PINX1: variants seen among roughly 807,000 people sequenced by gnomAD.
The protein encoded by PINX1 is PIN2 (TERF1) interacting telomerase inhibitor 1, also known as PIN2/TERF1-interacting telomerase inhibitor 1.
PINX1 carries 34 observed loss-of-function variants against 25.4 expected under a neutral mutation model. The ratio of observed to expected loss-of-function variants is 1.34; its 90% CI spans 1.02 to 1.78. The LOEUF (loss-of-function observed/expected upper bound fraction) is 1.78, where lower values mean the gene tolerates loss of function less well. Among genes scored for constraint, PINX1 ranks in the 40% most tolerant of loss-of-function variants. The pLI is 0.00. For missense variants in PINX1, 592 were observed against 404.9 expected (o/e 1.46, Z -3.97); for synonymous variants, 197 against 147.7 (o/e 1.33, Z -2.42).
chr8:10,799,384 C>A (rs896670399), intron 6 of PINX1, among the ~76,000 whole-genome samples: 1 of 152,168 alleles, frequency 6.6e-6, no homozygotes, highest in Non-Finnish European at 1.5e-5. Flanking sequence ...GCCCCGAGGC[C>A]TGACAGTTGC....
intron 1 of PINX1, among the ~76,000 whole-genome samples, chr8:10,835,965 G>C (rs909025387): frequency 6.6e-6 from 1 of 152,088 alleles, no homozygotes. Flanking sequence ...AAGGTTCAAA[G>C]CACAAGAATG....
intron 6 of PINX1, among the ~76,000 whole-genome samples, chr8:10,800,125 T>C (rs1802219931): frequency 6.6e-6 from 1 of 152,186 alleles, no homozygotes; most frequent in East Asian, 1.9e-4. Context: ...TTGATGGAAA[T>C]AACATTTTTT....
intron 6 of PINX1, among the ~76,000 whole-genome samples, chr8:10,800,252 G>A (rs897777524): frequency 3.9e-5 from 6 of 152,182 alleles, no homozygotes; most frequent in Admixed American, 6.5e-5. Context: ...AGAACACTGC[G>A]TATGTATAAA....
At chr8:10,787,800 G>A (rs1801798080) in intron 6 of PINX1, 1 of 455,830 alleles carries the variant, frequency 2.2e-6, no homozygotes, top group African/African-American at 2.0e-5. Context: ...GTAAGACAAG[G>A]AATCCAAGGT....
At chr8:10,820,088 A>T (rs1797819668) in intron 6 of PINX1, 105 bp downstream of exon 6, 1 of 755,738 alleles carries the variant, frequency 1.3e-6, no homozygotes, top group Admixed American at 2.0e-5. Context: ...AGTGTTTTGG[A>T]AAGTTTGTCA....
intron 6 of PINX1, among the ~76,000 whole-genome samples, chr8:10,776,952 G>A (rs1018868815): frequency 3.3e-5 from 5 of 152,198 alleles, no homozygotes; most frequent in African/African-American, 1.2e-4. Flanking sequence ...CAAGAGAGAA[G>A]GACAGAAGGA....
intron 5 of PINX1, among the ~76,000 whole-genome samples, chr8:10,821,539 AC>A (rs1229365352): frequency 6.6e-6 from 1 of 152,144 alleles, no homozygotes; most frequent in Non-Finnish European, 1.5e-5. Flanking sequence ...ACACAAAAAG[AC>A]CCAAAAGAAA....
At chr8:10,817,689 G>T (rs1251995581) in intron 6 of PINX1, among the ~76,000 whole-genome samples, 3 of 152,154 alleles carry the variant, frequency 2.0e-5, no homozygotes, top group Admixed American at 2.0e-4. Flanking sequence ...ATCACCTGGG[G>T]GCTCCTCGGA....
At chr8:10,822,389 A>C (rs1041099291) in intron 5 of PINX1, among the ~76,000 whole-genome samples, 3 of 152,248 alleles carry the variant, frequency 2.0e-5, no homozygotes, top group African/African-American at 7.2e-5. Flanking sequence ...AGAGAAAACG[A>C]CAATGAAGAA....
chr8:10,806,291 A>G (rs1005125844), intron 6 of PINX1, among the ~76,000 whole-genome samples: 13 of 152,216 alleles, frequency 8.5e-5, no homozygotes, highest in African/African-American at 2.9e-4. Context: ...GGATCCAACA[A>G]GCTGCAGTAG....
At chr8:10,787,260 C>T (rs955048351) in intron 6 of PINX1, among the ~76,000 whole-genome samples, 4 of 152,014 alleles carry the variant, frequency 2.6e-5, no homozygotes, top group Non-Finnish European at 4.4e-5. Context: ...CAGAGTCTTG[C>T]TTTATCACCA....
chr8:10,810,117 C>G (rs1802581507), intron 6 of PINX1, among the ~76,000 whole-genome samples: 1 of 152,188 alleles, frequency 6.6e-6, no homozygotes, highest in Middle Eastern at 3.2e-3. Context: ...GATATCAAGT[C>G]ATGCATAAGG....
Position 10,777,884 on chromosome 8 carries a change from G to A in PINX1, c.472-11968C>T, listed in dbSNP as rs80330133. ...GTGGAAAGACTGCGGGGTCCAGGTT[G>A]CAGAGCGGGTGCCTTCCACAGGCAC... On this transcript the variant is annotated intron_variant, in intron 6 of 6. Coordinates refer to ENST00000314787, the MANE Select transcript of PINX1 (RefSeq NM_017884.6). Among the ~76,000 whole-genome samples the A allele has an allele frequency of 9.1e-3, 1,380 of 152,324 alleles. 10 individuals carry two copies. Among genetic ancestry groups the A allele is most frequent in the Non-Finnish European group, 0.014 (933 of 68,022 alleles).
chr8:10,782,418 G>A (rs930181827), intron 6 of PINX1, among the ~76,000 whole-genome samples: 1 of 102,040 alleles, frequency 9.8e-6, no homozygotes, highest in Non-Finnish European at 2.0e-5. Context: ...AAATATACTC[G>A]ATAAAAAAAA....
intron 6 of PINX1, among the ~76,000 whole-genome samples, chr8:10,819,564 C>T (rs960427353): frequency 1.3e-5 from 2 of 152,086 alleles, no homozygotes; most frequent in Non-Finnish European, 2.9e-5. Flanking sequence ...CAAAACAGCA[C>T]AAAAAATTCT....
At chr8:10,766,779 T>C (rs1029142529) in intron 6 of PINX1, among the ~76,000 whole-genome samples, 3 of 152,064 alleles carry the variant, frequency 2.0e-5, no homozygotes, top group African/African-American at 4.8e-5. Context: ...ATGTGAAAAA[T>C]GTATATATCT....
At position 10,782,512 on chromosome 8, in the gene PINX1, G is replaced by A. The variant is rs142530661; in HGVS notation, c.472-16596C>T. On this transcript the variant is annotated intron_variant, in intron 6 of 6. Coordinates refer to ENST00000314787, the MANE Select transcript of PINX1 (RefSeq NM_017884.6). ...GCACTTTGGGAGGCCAAGGCAGGCG[G>A]ATCATCTGAGGTCGGGAGTTCAAGA... Among the ~76,000 whole-genome samples the A allele has an allele frequency of 5.4e-3, 825 of 152,258 alleles. 5 individuals are homozygous for A. The highest frequency in any genetic ancestry group is 0.019 in the African/African-American group (776 of 41,528).
intron 6 of PINX1, among the ~76,000 whole-genome samples, chr8:10,812,140 A>G (rs1205212901): frequency 6.6e-6 from 1 of 152,208 alleles, no homozygotes; most frequent in African/African-American, 2.4e-5. Context: ...CTGCTAAGAC[A>G]GATGACTTGC....
Position 10,821,124 on chromosome 8 carries a change from T to A in PINX1, c.395-855A>T, listed in dbSNP as rs555774204. 5.3e-5 allele frequency among the ~76,000 whole-genome samples: 8 copies of A among 152,320 alleles called. No homozygotes were observed. The South Asian group carries it at 1.7e-3, about 32-fold the overall frequency. The stretch of plus-strand genomic sequence containing the variant: ...ACTACTCCATGTAAAGGCTTGAGGC[T>A]CTGGGCGAGGGAGGTTCTGGGTCAG... On this transcript the variant is annotated intron_variant, in intron 5 of 6. Coordinates refer to ENST00000314787, the MANE Select transcript of PINX1 (RefSeq NM_017884.6).
Sources: gnomAD v4.1 joint callset for allele counts (sites outside exome capture counted in the v4.1 genomes callset) on GRCh38, gnomAD v4.1.1 for gene constraint, MANE v1.5 for transcripts, NCBI Gene and HGNC (gene_info 2026-07-23, HGNC 2026-07-21) for gene names.